The following SPATA45 variants were observed in gnomAD, a reference collection of about 807,000 sequenced individuals.
SPATA45 encodes the protein spermatogenesis-associated protein 45.
SPATA45 carries 5 observed loss-of-function variants against 7.0 expected under a neutral mutation model. The observed-to-expected ratio is 0.71, with a 90% CI of 0.37 to 1.50. The LOEUF (loss-of-function observed/expected upper bound fraction) is 1.50. Ranked by LOEUF, SPATA45 falls within the 40% of genes most tolerant of loss-of-function variation. The pLI, the probability that SPATA45 is intolerant of heterozygous loss-of-function variation, is 0.03. For missense variants in SPATA45, 111 were observed against 114.9 expected (o/e 0.97, Z 0.16); for synonymous variants, 40 against 38.7 (o/e 1.03, Z -0.13).
intron 1 of SPATA45, among the ~76,000 whole-genome samples, chr1:212,843,393 C>A (rs1341938593): frequency 6.6e-6 from 1 of 152,060 alleles, no homozygotes; most frequent in Non-Finnish European, 1.5e-5. Context: ...GAGCTTAATA[C>A]AACCAACCCT....
intron 1 of SPATA45, among the ~76,000 whole-genome samples, chr1:212,843,898 A>G (rs543429122): frequency 5.3e-5 from 8 of 152,222 alleles, no homozygotes; most frequent in Admixed American, 3.9e-4. Flanking sequence ...TGTAGTGCCA[A>G]ACCCATATAC....
chr1:212,843,154 G>A (rs930016891), intron 1 of SPATA45, among the ~76,000 whole-genome samples: 1 of 148,024 alleles, frequency 6.8e-6, no homozygotes, highest in Admixed American at 6.8e-5. Flanking sequence ...GCTGGGCGCG[G>A]TGGCACATGC....
intron 2 of SPATA45, among the ~76,000 whole-genome samples, chr1:212,832,025 T>TTC: frequency 7.4e-6 from 1 of 134,580 alleles, no homozygotes; most frequent in South Asian, 2.6e-4. Flanking sequence ...CTTTTTTTTT[T>TTC]TTTTTTTTTT....
intron 2 of SPATA45, among the ~76,000 whole-genome samples, chr1:212,831,977 C>G (rs181730106): frequency 1.4e-5 from 2 of 146,430 alleles, no homozygotes. Context: ...CCCCATAGCT[C>G]TTACCCATTT....
At chr1:212,846,169 T>C (rs952560587) in intron 1 of SPATA45, among the ~76,000 whole-genome samples, 2 of 152,158 alleles carry the variant, frequency 1.3e-5, no homozygotes, top group Admixed American at 1.3e-4. Context: ...CAAATGCCCC[T>C]TCTAACAAGC....
At chr1:212,835,833 T>C (rs1442570798) in intron 2 of SPATA45, 40 bp downstream of exon 2, 6 of 1,468,906 alleles carry the variant, frequency 4.1e-6, no homozygotes, top group Non-Finnish European at 5.5e-6. Context: ...CAAAACTCCA[T>C]CTCAAAAAAA....
rs535181468 is a variant in SPATA45, at chr1:212,840,952, T to C, written c.-38-4765A>G. Among the ~76,000 whole-genome samples the C allele has an allele frequency of 3.9e-3, 588 of 151,878 alleles. 9 individuals carry two copies. Among genetic ancestry groups the C allele is most frequent in the African/African-American group, 0.014 (559 of 41,374 alleles). ...CCTTTTAAATTCTCTCTCTCTCTCT[T>C]CTTTTTTGAGGCGGAGTCTCTCTCT... is the stretch of plus-strand genomic sequence containing the variant. On this transcript the variant is annotated intron_variant, in intron 1 of 2. Coordinates refer to ENST00000332912, the MANE Select transcript of SPATA45 (RefSeq NM_001024601.3).
chr1:212,836,195 CAA>C lies in SPATA45; in HGVS notation c.-38-10_-38-9del. On this transcript the variant is annotated splice_polypyrimidine_tract_variant and intron_variant, in intron 1 of 2. Coordinates refer to ENST00000332912, the MANE Select transcript of SPATA45 (RefSeq NM_001024601.3). ...CAAGTGATTCTTGCTGTCCTACAAA[CAA>C]ATGAAAAAATACTTTCAATTGTCTT... is the stretch of plus-strand genomic sequence containing the variant. 6.7e-7 allele frequency: 1 copy of C among 1,501,952 alleles called. No homozygotes were observed. Among genetic ancestry groups the C allele is most frequent in the Non-Finnish European group, 9.1e-7 (1 of 1,102,930 alleles). The allele number at this position is 1,501,952 out of a possible 1,614,324, so 93.0% of individuals were successfully genotyped here.
intron 2 of SPATA45, 23 bp from the exon 3 acceptor site, chr1:212,830,284 G>T: frequency 7.2e-7 from 1 of 1,381,048 alleles, no homozygotes; most frequent in Middle Eastern, 2.3e-4. Context: ...AAAATAAAAA[G>T]TATTTGTTAT....
chr1:212,833,718 G>A (rs1663530247), intron 2 of SPATA45, among the ~76,000 whole-genome samples: 1 of 151,526 alleles, frequency 6.6e-6, no homozygotes, highest in African/African-American at 2.4e-5. Context: ...GAAATGTTGT[G>A]GCTGGGTTCA....
At position 212,836,115 on chromosome 1, in the gene SPATA45, T is replaced by G; in HGVS notation, c.35A>C (p.Lys12Thr). ...ATGTTGTTTGCTTACTCCATGTTTT[T>G]TCATTATTTCAATGGTTCTGTTTAT... ...ASINRTIEIM[K>T]KHGVSKQHLL... Residue 12 changes from lysine (K) to threonine (T), a missense_variant, in exon 2 of 3, where the codon AAA becomes ACA. Physicochemically the swap from Lys to Thr is moderately conservative, Grantham distance 78. Transcript: ENST00000332912. 6.2e-7 allele frequency: 1 copy of G among 1,606,424 alleles called. No homozygotes were observed. Among genetic ancestry groups the G allele is most frequent in the Non-Finnish European group, 8.5e-7 (1 of 1,173,524 alleles).
At position 212,838,727 on chromosome 1, in the gene SPATA45, G is replaced by A. The variant is rs563075429; in HGVS notation, c.-38-2540C>T. 2.4e-4 allele frequency among the ~76,000 whole-genome samples: 36 copies of A among 151,272 alleles called. 1 individual carries two copies. In the South Asian group the frequency reaches 5.3e-3, roughly 22 times the overall value. Reference sequence around the variant, plus strand: ...TTTTATTTATTTATTTTTGAGACAGGGTCTCTTTCTGTCACCCAGGCTAGA... The same window carrying A: ...TTTTATTTATTTATTTTTGAGACAGAGTCTCTTTCTGTCACCCAGGCTAGA... On this transcript the variant is annotated intron_variant, in intron 1 of 2. Coordinates refer to ENST00000332912, the MANE Select transcript of SPATA45 (RefSeq NM_001024601.3).
rs981907355 is a variant in SPATA45, at chr1:212,835,418, C to T, written c.277+455G>A. 7.3e-5 allele frequency among the ~76,000 whole-genome samples: 11 copies of T among 151,414 alleles called. 1 individual carries two copies. The highest frequency in any genetic ancestry group is 3.3e-4 in the Admixed American group (5 of 15,146). Reference sequence around the variant, plus strand: ...GTGCATGCCTGTAATCCCAGCTACTCGAGAGGCTAAGGCAGGAGAATCGCT... The same window carrying T: ...GTGCATGCCTGTAATCCCAGCTACTTGAGAGGCTAAGGCAGGAGAATCGCT... On this transcript the variant is annotated intron_variant, in intron 2 of 2. Coordinates refer to ENST00000332912, the MANE Select transcript of SPATA45 (RefSeq NM_001024601.3).
chr1:212,831,207 G>A (rs916541719), intron 2 of SPATA45, among the ~76,000 whole-genome samples: 4 of 150,970 alleles, frequency 2.6e-5, no homozygotes, highest in African/African-American at 7.3e-5. Flanking sequence ...GGTGGCTCAC[G>A]CCTGTAATCC....
chr1:212,842,119 T>C (rs1207707629), intron 1 of SPATA45, among the ~76,000 whole-genome samples: 1 of 151,840 alleles, frequency 6.6e-6, no homozygotes, highest in Non-Finnish European at 1.5e-5. Flanking sequence ...GGCTCATGCC[T>C]GTAATCCCAT....
At chr1:212,838,274 A>T (rs929507419) in intron 1 of SPATA45, among the ~76,000 whole-genome samples, 1 of 148,938 alleles carries the variant, frequency 6.7e-6, no homozygotes, top group Non-Finnish European at 1.5e-5. Context: ...ACTACACTCC[A>T]GCTTGGGCGG....
At chr1:212,842,064 G>C (rs1487595616) in intron 1 of SPATA45, among the ~76,000 whole-genome samples, 1 of 151,030 alleles carries the variant, frequency 6.6e-6, no homozygotes, top group Admixed American at 6.6e-5. Context: ...CCCAGCCTGA[G>C]TTAATTTATA....
At chr1:212,834,597 C>T (rs749868095) in intron 2 of SPATA45, among the ~76,000 whole-genome samples, 6 of 151,344 alleles carry the variant, frequency 4.0e-5, no homozygotes, top group Non-Finnish European at 4.4e-5. Context: ...ACTAAAGGTG[C>T]GTGCCACCAC....
intron 1 of SPATA45, among the ~76,000 whole-genome samples, chr1:212,845,558 A>G (rs1400824104): frequency 6.6e-6 from 1 of 152,158 alleles, no homozygotes; most frequent in Non-Finnish European, 1.5e-5. Flanking sequence ...GGCTCTTGGT[A>G]TTTAATGGCT....
Sources: gnomAD v4.1 joint callset for allele counts (sites outside exome capture counted in the v4.1 genomes callset) on GRCh38, gnomAD v4.1.1 for gene constraint, MANE v1.5 for transcripts, NCBI Gene and HGNC (gene_info 2026-07-23, HGNC 2026-07-21) for gene names.